The following GSTA2 variants were observed in gnomAD, a reference collection of about 807,000 sequenced individuals.
GSTA2 encodes the protein glutathione S-transferase A2.
In GSTA2, 27 loss-of-function variants were observed where a neutral mutation model predicts 22.4. The observed-to-expected ratio is 1.21, with a 90% CI of 0.89 to 1.67. The LOEUF (loss-of-function observed/expected upper bound fraction) is 1.67. Ranked by LOEUF, GSTA2 falls within the 40% of genes most tolerant of loss-of-function variation. GSTA2 has a pLI of 0.00. For missense variants in GSTA2, 302 were observed against 260.2 expected (o/e 1.16, Z -1.11); for synonymous variants, 121 against 86.8 (o/e 1.39, Z -2.19).
rs548136123 is a variant in GSTA2 at position 52,757,034 on chromosome 6, A to G, written c.88-725T>C. On this transcript the variant is annotated intron_variant, in intron 2 of 6. Transcript: ENST00000493422. ...CACGTGTTTATTTCTCTGCATCCTCATAGACACGTAGGCTGCCCCAGGGCA... is the reference window on the plus strand; with the variant it reads ...CACGTGTTTATTTCTCTGCATCCTCGTAGACACGTAGGCTGCCCCAGGGCA... Among the ~76,000 whole-genome samples the G allele has an allele frequency of 8.5e-3, 1,123 of 132,562 alleles. 12 individuals carry two copies. Among genetic ancestry groups the G allele is most frequent in the African/African-American group, 0.031 (1,070 of 34,508 alleles). 87.0% of individuals were successfully genotyped at this position (132,562 alleles called of 152,430 possible). A position where few individuals can be genotyped will look rare whatever the true frequency, so the allele number is the denominator to read the frequency against.
In GSTA2 at chr6:52,754,874, A is replaced by C. The variant is rs1762811058; in HGVS notation, c.272+69T>G. 2.3e-5 allele frequency: 37 copies of C among 1,600,712 alleles called. No homozygotes were observed. The South Asian group carries it at 3.4e-4, about 15-fold the overall frequency. On this transcript the variant is annotated intron_variant, in intron 4 of 6. Transcript: ENST00000493422. ...GGTCTTGATACCCTGCCATGGTCCC[A>C]CCCACTCAAGGAAGGACCTAAATCA...
rs1762711712 is a variant in GSTA2 at position 52,750,238 on chromosome 6, T to C, written c.*339A>G. 1 of 197,264 alleles carries C rather than the reference T, an allele frequency of 5.1e-6. No individual in the cohort carries two copies. The highest frequency in any genetic ancestry group is 1.0e-5 in the Non-Finnish European group (1 of 96,210). The allele number at this position is 197,264 out of a possible 1,614,324, so 12.2% of individuals were successfully genotyped here. A position where few individuals can be genotyped will look rare whatever the true frequency, so the allele number is the denominator to read the frequency against. ...TCAGAGGTGCATTTTTACATTGGCATTTTAATAGATTGTATGACAAATTGT... is the reference window on the plus strand; with the variant it reads ...TCAGAGGTGCATTTTTACATTGGCACTTTAATAGATTGTATGACAAATTGT... On this transcript the variant is annotated 3_prime_UTR_variant, in exon 7 of 7. Coordinates refer to ENST00000493422, the MANE Select transcript of GSTA2 (RefSeq NM_000846.5).
rs572454134 is a variant in GSTA2 at position 52,750,928 on chromosome 6, C to T, written c.547-229G>A. ...TGAAATTTTAATCAGTTCAGTCATC[C>T]CTATCTTTCTTCTTACATATTAATC... On this transcript the variant is annotated intron_variant, in intron 6 of 6. Coordinates refer to ENST00000493422, the MANE Select transcript of GSTA2 (RefSeq NM_000846.5). Among the ~76,000 whole-genome samples the T allele has an allele frequency of 4.6e-5, 7 of 152,310 alleles. No homozygotes were observed. The South Asian group carries it at 8.3e-4, about 18-fold the overall frequency.
intron 1 of GSTA2, among the ~76,000 whole-genome samples, chr6:52,762,572 A>G (rs1473954765): frequency 6.6e-6 from 1 of 152,102 alleles, no homozygotes; most frequent in Admixed American, 6.6e-5. Context: ...CTATTATCCT[A>G]TTGTCCTGCC....
intron 5 of GSTA2, 114 bp downstream of exon 5, chr6:52,752,740 G>A: frequency 7.7e-7 from 1 of 1,298,954 alleles, no homozygotes; most frequent in South Asian, 1.2e-5. Context: ...GTGCTGCATT[G>A]GTGTCCAGGA....
At chr6:52,756,188 G>A (rs1406075454) in intron 3 of GSTA2, 70 bp downstream of exon 3, 22 of 1,045,152 alleles carry the variant, frequency 2.1e-5, no homozygotes, top group African/African-American at 3.1e-5. Context: ...AGACATTGCC[G>A]GCTGCGCAAA....
chr6:52,760,574 C>A (rs1762934638), intron 1 of GSTA2, among the ~76,000 whole-genome samples: 2 of 152,188 alleles, frequency 1.3e-5, no homozygotes, highest in Non-Finnish European at 2.9e-5. Context: ...AAGCACCTGT[C>A]TCATGCTGCA....
rs70977382 is a variant in GSTA2 at position 52,759,563 on chromosome 6, GTTTTTTTTTTTTTTTTTTTTTTT to G, written c.-30-1609_-30-1587del. On this transcript the variant is annotated intron_variant, in intron 1 of 6. Coordinates refer to ENST00000493422, the MANE Select transcript of GSTA2 (RefSeq NM_000846.5). The stretch of plus-strand genomic sequence containing the variant: ...CCTTTAACAACTAATGTATTTATTT[GTTTTTTTTTTTTTTTTTTTTTTT>G]TTTTTTTTTTTTTTTGAGACAGAGT... Among the ~76,000 whole-genome samples the G allele has an allele frequency of 6.4e-4, 22 of 34,164 alleles. 1 individual carries two copies. Among genetic ancestry groups the G allele is most frequent in the African/African-American group, 1.3e-3 (15 of 11,536 alleles). 22.4% of individuals were successfully genotyped at this position (34,164 alleles called of 152,430 possible).
chr6:52,751,804 C>T, intron 5 of GSTA2, 96 bp from the exon 6 acceptor site: 1 of 1,567,722 alleles, frequency 6.4e-7, no homozygotes, highest in Non-Finnish European at 8.8e-7. Context: ...TTCCCCACCT[C>T]TGTTGCCTTA....
At chr6:52,758,731 T>C (rs1349264963) in intron 1 of GSTA2, among the ~76,000 whole-genome samples, 1 of 152,272 alleles carries the variant, frequency 6.6e-6, no homozygotes, top group African/African-American at 2.4e-5. Flanking sequence ...TTTGGAATTC[T>C]GTATTCTAAC....
intron 3 of GSTA2, among the ~76,000 whole-genome samples, chr6:52,755,530 G>T (rs1363212435): frequency 6.6e-6 from 1 of 152,062 alleles, no homozygotes; most frequent in Non-Finnish European, 1.5e-5. Flanking sequence ...TGTTTATAAA[G>T]CTTCCTGTAG....
chr6:52,759,563 GTTTTTTTTTTTTTTTT>G (rs70977382), intron 1 of GSTA2, among the ~76,000 whole-genome samples: 11 of 34,198 alleles, frequency 3.2e-4, no homozygotes, highest in South Asian at 3.4e-3. Context: ...GTATTTATTT[GTTTTTTTTTTTTTTTT>G]TTTTTTTTTT....
intron 1 of GSTA2, among the ~76,000 whole-genome samples, chr6:52,759,580 T>TTG (rs1561897454): frequency 2.2e-4 from 27 of 121,100 alleles, no homozygotes; most frequent in African/African-American, 8.4e-4. Flanking sequence ...TTTTTTTTTT[T>TTG]TTTTTTTTTT....
intron 1 of GSTA2, among the ~76,000 whole-genome samples, chr6:52,759,797 T>C (rs1762923775): frequency 6.6e-6 from 1 of 151,974 alleles, no homozygotes; most frequent in Non-Finnish European, 1.5e-5. Flanking sequence ...TTGGACAGTC[T>C]GGTCTCGAAA....
intron 1 of GSTA2, among the ~76,000 whole-genome samples, chr6:52,760,939 T>C (rs950803943): frequency 3.9e-5 from 6 of 152,184 alleles, no homozygotes; most frequent in Admixed American, 3.3e-4. Flanking sequence ...GAAAGGACTA[T>C]AAGGTCTCAT....
intron 1 of GSTA2, among the ~76,000 whole-genome samples, chr6:52,760,241 A>C (rs1425267942): frequency 6.6e-6 from 1 of 152,192 alleles, no homozygotes; most frequent in Non-Finnish European, 1.5e-5. Context: ...TTAGCCATTG[A>C]TCGAGGATCA....
chr6:52,762,124 G>T (rs1008039121), intron 1 of GSTA2, among the ~76,000 whole-genome samples: 2 of 148,648 alleles, frequency 1.3e-5, no homozygotes, highest in East Asian at 3.9e-4. Flanking sequence ...AAAACACTGC[G>T]GAAGGCCGCA....
intron 1 of GSTA2, among the ~76,000 whole-genome samples, chr6:52,758,723 T>G (rs772103994): frequency 1.3e-5 from 2 of 152,238 alleles, no homozygotes; most frequent in African/African-American, 2.4e-5. Flanking sequence ...TTGCTTCTTT[T>G]GGAATTCTGT....
Position 52,753,004 on chromosome 6 carries a change from CA to C in GSTA2, c.273-10del, listed in dbSNP as rs541882679. 284 of 1,580,126 alleles carry C rather than the reference CA, an allele frequency of 1.8e-4. 1 individual carries two copies. In the East Asian group the frequency reaches 5.7e-3, roughly 32 times the overall value. ...CTATATACATATCAATCCTGAAAGA[CA>C]AAAACAACCAAATGGTCAAATATCT... is the stretch of plus-strand genomic sequence containing the variant. On this transcript the variant is annotated splice_polypyrimidine_tract_variant and intron_variant, in intron 4 of 6. Transcript: ENST00000493422.
Sources: gnomAD v4.1 joint callset for allele counts (sites outside exome capture counted in the v4.1 genomes callset) on GRCh38, gnomAD v4.1.1 for gene constraint, MANE v1.5 for transcripts, NCBI Gene and HGNC (gene_info 2026-07-23, HGNC 2026-07-21) for gene names.